KALRN: variants seen among roughly 807,000 people sequenced by gnomAD.
KALRN encodes the protein kalirin RhoGEF kinase.
Under a neutral mutation model 353.7 loss-of-function variants are expected in KALRN, and 70 were observed. That is an observed-to-expected ratio of 0.20 (90% CI 0.16 to 0.24). KALRN has a LOEUF of 0.24. Among genes scored for constraint, KALRN ranks in the 10% least tolerant of loss-of-function variants. KALRN has a pLI of 1.00. For synonymous variants in KALRN, 1,391 were observed against 1,434.8 expected, an observed-to-expected ratio of 0.97 and a Z score of 0.69; for missense variants, 2,791 against 3,756.7, an observed-to-expected ratio of 0.74 and a Z score of 6.72.
At chr3:124,470,887 A>G (rs1236160456) in intron 25 of KALRN, among the ~76,000 whole-genome samples, 1 of 152,226 alleles carries the variant, frequency 6.6e-6, no homozygotes, top group Non-Finnish European at 1.5e-5. Context: ...TCAACATATT[A>G]TAGGATTTTG....
chr3:124,395,901 T>C (rs2090101589), intron 12 of KALRN, among the ~76,000 whole-genome samples: 1 of 152,234 alleles, frequency 6.6e-6, no homozygotes, highest in African/African-American at 2.4e-5. Flanking sequence ...TGCATCAACC[T>C]AAACAAACAT....
intron 45 of KALRN, among the ~76,000 whole-genome samples, chr3:124,664,380 C>T (rs333347): frequency 0.017 from 2,510 of 149,182 alleles, 67 homozygotes; most frequent in African/African-American, 0.052. Flanking sequence ...TGCGCGCGCG[C>T]GCATATAAGG....
chr3:124,337,391 A>G (rs13314564), intron 9 of KALRN, among the ~76,000 whole-genome samples: 13,004 of 152,186 alleles, frequency 0.085, 682 homozygotes, highest in Middle Eastern at 0.14. Context: ...TTCTGCCTCT[A>G]TTGAGATATC....
chr3:124,308,046 A>C (rs1015857461), intron 6 of KALRN, among the ~76,000 whole-genome samples: 3 of 152,164 alleles, frequency 2.0e-5, no homozygotes, highest in African/African-American at 7.2e-5. Flanking sequence ...TGCATTTTAA[A>C]AGAACAGCAA....
At position 124,719,987 on chromosome 3, in the gene KALRN, G is replaced by A. The variant is rs1354478135; in HGVS notation, c.*517G>A. 1 of 153,318 alleles carries A rather than the reference G, an allele frequency of 6.5e-6. No individual in the cohort carries two copies. Among genetic ancestry groups the A allele is most frequent in the Non-Finnish European group, 1.5e-5 (1 of 68,824 alleles). The allele number at this position is 153,318 out of a possible 1,614,324, so 9.5% of individuals were successfully genotyped here. A position where few individuals can be genotyped will look rare whatever the true frequency, so the allele number is the denominator to read the frequency against. Reference sequence around the variant, plus strand: ...TCAGGTTTCAGAGTTTTCTAATATAGAGATATATATATTAAATCAATCACA... The same window carrying A: ...TCAGGTTTCAGAGTTTTCTAATATAAAGATATATATATTAAATCAATCACA... On this transcript the variant is annotated 3_prime_UTR_variant, in exon 60 of 60. Transcript: ENST00000682506. This position sits in a 1 kb window ranked among gnomAD's most constrained non-coding sequence, Gnocchi z 5.3.
chr3:124,237,366 C>CTTTTTTT lies in KALRN; in HGVS notation c.263+2431_263+2437dup, dbSNP rs551869197. On this transcript the variant is annotated intron_variant, in intron 3 of 59. Coordinates refer to ENST00000682506, the MANE Select transcript of KALRN (RefSeq NM_001388419.1). ...GTAGGTGACATTTGATCATTTGATG[C>CTTTTTTT]TTTTTTTTTTTTTTGAGACTGAGTC... Among the ~76,000 whole-genome samples, 371 of 135,618 alleles carry CTTTTTTT rather than the reference C, an allele frequency of 2.7e-3. 5 individuals are homozygous for CTTTTTTT. The highest frequency in any genetic ancestry group is 7.4e-3 in the Middle Eastern group (2 of 270). 89.0% of individuals were successfully genotyped at this position (135,618 alleles called of 152,430 possible). A position where few individuals can be genotyped will look rare whatever the true frequency, so the allele number is the denominator to read the frequency against.
chr3:124,636,957 C>T (rs1451615293), intron 36 of KALRN: 2 of 451,008 alleles, frequency 4.4e-6, no homozygotes, highest in East Asian at 3.8e-5. Flanking sequence ...TCTCCTCTCC[C>T]CTCCTTCATA....
intron 34 of KALRN, among the ~76,000 whole-genome samples, chr3:124,596,485 AAAAC>A (rs2076279105): frequency 6.6e-6 from 1 of 152,170 alleles, no homozygotes; most frequent in Non-Finnish European, 1.5e-5. Context: ...AACAAACAAA[AAAAC>A]CCCACAATAG....
At chr3:124,041,774 G>A (rs1019548591) in intron 1 of KALRN, among the ~76,000 whole-genome samples, 18 of 152,170 alleles carry the variant, frequency 1.2e-4, no homozygotes, top group African/African-American at 4.1e-4. Context: ...GACTGGCAGC[G>A]AAAATAACTA....
Position 124,176,641 on chromosome 3 carries a change from C to G in KALRN, c.74-51349C>G, listed in dbSNP as rs189980462. On this transcript the variant is annotated intron_variant, in intron 1 of 59. Transcript: ENST00000682506. ...CCGGCTCCAACTCAAGCTTAACCAT[C>G]AACTGTATCACCTTGTGTTTAAGTC... is the stretch of plus-strand genomic sequence containing the variant. 8.5e-5 allele frequency among the ~76,000 whole-genome samples: 13 copies of G among 152,290 alleles called. No homozygotes were observed. In the East Asian group the frequency reaches 2.5e-3, roughly 29 times the overall value.
At chr3:124,402,231 A>G (rs1476715386) in intron 13 of KALRN, among the ~76,000 whole-genome samples, 1 of 152,232 alleles carries the variant, frequency 6.6e-6, no homozygotes, top group Non-Finnish European at 1.5e-5. Flanking sequence ...TACTCACATT[A>G]TAACCTGGAA....
intron 34 of KALRN, among the ~76,000 whole-genome samples, chr3:124,604,426 G>T (rs2077115726): frequency 6.6e-6 from 1 of 152,108 alleles, no homozygotes; most frequent in South Asian, 2.1e-4. Flanking sequence ...AACCACAAAG[G>T]TTGTTTCTTT....
At chr3:124,644,618 T>C (rs2082479584) in intron 37 of KALRN, among the ~76,000 whole-genome samples, 1 of 152,150 alleles carries the variant, frequency 6.6e-6, no homozygotes, top group Non-Finnish European at 1.5e-5. Context: ...AGAATGATGG[T>C]TTCCAGCTTC....
intron 11 of KALRN, among the ~76,000 whole-genome samples, chr3:124,389,861 T>A (rs2089060533): frequency 6.6e-6 from 1 of 152,224 alleles, no homozygotes; most frequent in East Asian, 1.9e-4. Context: ...GCAAGATTTC[T>A]TCAATGATAT....
At chr3:124,584,767 C>A in intron 34 of KALRN, 1 of 1,556,604 alleles carries the variant, frequency 6.4e-7, no homozygotes, top group South Asian at 1.2e-5. Context: ...CCGCCGCGCT[C>A]TCACCCCGGG....
intron 5 of KALRN, among the ~76,000 whole-genome samples, chr3:124,280,538 T>C (rs1256331780): frequency 6.6e-6 from 1 of 152,224 alleles, no homozygotes; most frequent in Non-Finnish European, 1.5e-5. Flanking sequence ...GCAGCTTTCC[T>C]GGGACCAGTT....
intron 34 of KALRN, among the ~76,000 whole-genome samples, chr3:124,586,871 C>G (rs1436923673): frequency 1.3e-5 from 2 of 152,176 alleles, no homozygotes; most frequent in Non-Finnish European, 2.9e-5. Context: ...AAAGAAAACT[C>G]CTGCCTGTGG....
rs149498878 is a variant in KALRN at position 124,176,332 on chromosome 3, G to C, written c.74-51658G>C. On this transcript the variant is annotated intron_variant, in intron 1 of 59. Transcript: ENST00000682506. ...GTAGTTGTTGAAGTGATCATTTTCA[G>C]GCTCAGTAATATCCACGCAGATTAC... 5.3e-3 allele frequency among the ~76,000 whole-genome samples: 810 copies of C among 152,244 alleles called. 5 individuals are homozygous for C. Among genetic ancestry groups the C allele is most frequent in the Non-Finnish European group, 8.2e-3 (556 of 68,028 alleles).
chr3:124,165,967 CTTGT>C (rs2070775979), intron 1 of KALRN, among the ~76,000 whole-genome samples: 1 of 152,250 alleles, frequency 6.6e-6, no homozygotes, highest in South Asian at 2.1e-4. Flanking sequence ...ACATACCATG[CTTGT>C]CCTCATCTCA....
Sources: gnomAD v4.1 joint callset for allele counts (sites outside exome capture counted in the v4.1 genomes callset) on GRCh38, gnomAD v4.1.1 for gene constraint, Gnocchi (gnomAD v3.1) non-coding constraint, MANE v1.5 for transcripts, NCBI Gene and HGNC (gene_info 2026-07-23, HGNC 2026-07-21) for gene names.